LHFPL6: variants seen among roughly 807,000 people sequenced by gnomAD.
The protein encoded by LHFPL6 is LHFPL tetraspan subfamily member 6.
Under a neutral mutation model 20.6 loss-of-function variants are expected in LHFPL6, and 9 were observed. The observed-to-expected ratio is 0.44, with a 90% confidence interval of 0.26 to 0.76. The LOEUF (loss-of-function observed/expected upper bound fraction) is 0.76. Among genes scored for constraint, LHFPL6 ranks in the 30% least tolerant of loss-of-function variants. The probability of loss-of-function intolerance (pLI) is 0.20; values close to 1 mark genes in which losing one functional copy is unlikely to be tolerated. For missense variants in LHFPL6, 218 were observed against 253.5 expected (o/e 0.86, Z 0.95); for synonymous variants, 105 against 98.7 (o/e 1.06, Z -0.38).
chr13:39,382,063 T>G (rs1361719002), intron 2 of LHFPL6, among the ~76,000 whole-genome samples: 1 of 152,178 alleles, frequency 6.6e-6, no homozygotes, highest in East Asian at 1.9e-4. Flanking sequence ...CCTACTAAGT[T>G]AGGTTATGGT....
At chr13:39,387,564 A>G (rs1320763509) in intron 2 of LHFPL6, among the ~76,000 whole-genome samples, 1 of 151,734 alleles carries the variant, frequency 6.6e-6, no homozygotes, top group Non-Finnish European at 1.5e-5. Flanking sequence ...AAAAAAAAAA[A>G]AAAAAAAGAA....
At chr13:39,563,777 A>AT (rs1871622191) in intron 2 of LHFPL6, among the ~76,000 whole-genome samples, 1 of 152,094 alleles carries the variant, frequency 6.6e-6, no homozygotes, top group African/African-American at 2.4e-5. Flanking sequence ...AGGGTAACAG[A>AT]TTCTATTCAT....
intron 2 of LHFPL6, among the ~76,000 whole-genome samples, chr13:39,542,933 G>A (rs755004323): frequency 4.6e-5 from 7 of 152,156 alleles, no homozygotes; most frequent in Non-Finnish European, 7.3e-5. Flanking sequence ...CCACGATGGT[G>A]TACAACCATC....
chr13:39,459,133 T>C (rs942854005), intron 2 of LHFPL6, among the ~76,000 whole-genome samples: 1 of 151,592 alleles, frequency 6.6e-6, no homozygotes, highest in Non-Finnish European at 1.5e-5. Context: ...GGAGATAGAT[T>C]ATAAAGACCT....
intron 2 of LHFPL6, among the ~76,000 whole-genome samples, chr13:39,530,733 G>A (rs1457510981): frequency 6.6e-6 from 1 of 151,700 alleles, no homozygotes; most frequent in Admixed American, 6.6e-5. Flanking sequence ...GCATTGTGCT[G>A]TGGTTGCTTA....
At chr13:39,386,976 G>A (rs1870581250) in intron 2 of LHFPL6, among the ~76,000 whole-genome samples, 4 of 152,100 alleles carry the variant, frequency 2.6e-5, no homozygotes, top group Admixed American at 2.6e-4. Flanking sequence ...TGCCTTTCCT[G>A]GTCATCCCAG....
At chr13:39,353,348 G>A (rs943521837) in intron 3 of LHFPL6, among the ~76,000 whole-genome samples, 1 of 152,056 alleles carries the variant, frequency 6.6e-6, no homozygotes, top group Non-Finnish European at 1.5e-5. Flanking sequence ...ATAAAGAGAA[G>A]ACCACCCAAA....
At chr13:39,555,889 G>T (rs1400214944) in intron 2 of LHFPL6, among the ~76,000 whole-genome samples, 4 of 152,114 alleles carry the variant, frequency 2.6e-5, no homozygotes, top group Non-Finnish European at 5.9e-5. Context: ...TGGATCATGG[G>T]GGCAGGTCTC....
At chr13:39,391,530 T>C (rs1206467164) in intron 2 of LHFPL6, among the ~76,000 whole-genome samples, 1 of 152,194 alleles carries the variant, frequency 6.6e-6, no homozygotes, top group Admixed American at 6.6e-5. Flanking sequence ...TACATACATA[T>C]GTGTGTATCA....
intron 1 of LHFPL6, among the ~76,000 whole-genome samples, chr13:39,601,611 ACT>A (rs1287932869): frequency 6.6e-6 from 1 of 152,292 alleles, no homozygotes; most frequent in African/African-American, 2.4e-5. Context: ...TTCCAAATTA[ACT>A]CTGACAGCTA....
At chr13:39,469,981 G>A (rs749876995) in intron 2 of LHFPL6, among the ~76,000 whole-genome samples, 2 of 152,070 alleles carry the variant, frequency 1.3e-5, no homozygotes, top group Admixed American at 6.5e-5. Context: ...CTTACATCTC[G>A]GAAAAGACGA....
chr13:39,579,115 G>A lies in LHFPL6; in HGVS notation c.385+21717C>T, dbSNP rs572277599. 3.9e-5 allele frequency among the ~76,000 whole-genome samples: 6 copies of A among 152,256 alleles called. No individual in the cohort carries two copies. In the East Asian group the frequency reaches 9.7e-4, roughly 25 times the overall value. ...TAGTGCCTGGGGTAACACTGTAGGAGGTCTTTATCTTACAGGGAGCAGCCA... is the reference window on the plus strand; with the variant it reads ...TAGTGCCTGGGGTAACACTGTAGGAAGTCTTTATCTTACAGGGAGCAGCCA... On this transcript the variant is annotated intron_variant, in intron 2 of 3. Transcript: ENST00000379589.
At chr13:39,401,867 G>T (rs746305294) in intron 2 of LHFPL6, among the ~76,000 whole-genome samples, 2 of 152,150 alleles carry the variant, frequency 1.3e-5, no homozygotes, top group African/African-American at 4.8e-5. Flanking sequence ...CCTTGGTCAC[G>T]ACAACCACTA....
At chr13:39,347,474 A>C (rs1225071074) in intron 3 of LHFPL6, among the ~76,000 whole-genome samples, 5 of 152,186 alleles carry the variant, frequency 3.3e-5, no homozygotes, top group African/African-American at 1.2e-4. Flanking sequence ...TTGGCACTGA[A>C]ATTTTGGAGA....
intron 2 of LHFPL6, among the ~76,000 whole-genome samples, chr13:39,465,728 G>T (rs1872787728): frequency 6.6e-6 from 1 of 152,130 alleles, no homozygotes; most frequent in Non-Finnish European, 1.5e-5. Context: ...GTTTACAGGG[G>T]TAGAATTTCA....
intron 3 of LHFPL6, among the ~76,000 whole-genome samples, chr13:39,375,451 G>A (rs534952611): frequency 2.1e-4 from 32 of 152,276 alleles, no homozygotes; most frequent in Admixed American, 1.4e-3. Context: ...AGCACTTTGG[G>A]AGGCTGAGGT....
intron 2 of LHFPL6, among the ~76,000 whole-genome samples, chr13:39,440,382 C>T (rs1445238375): frequency 1.3e-5 from 2 of 152,026 alleles, no homozygotes; most frequent in African/African-American, 4.8e-5. Flanking sequence ...TAATTTAAGC[C>T]CTCTGGGAGG....
At chr13:39,473,550 T>C (rs1003853360) in intron 2 of LHFPL6, among the ~76,000 whole-genome samples, 4 of 152,006 alleles carry the variant, frequency 2.6e-5, no homozygotes, top group East Asian at 1.9e-4. Context: ...TTTCTTCCAA[T>C]ATAAATGTGT....
chr13:39,407,087 T>G (rs1871128319), intron 2 of LHFPL6, among the ~76,000 whole-genome samples: 1 of 152,220 alleles, frequency 6.6e-6, no homozygotes, highest in Admixed American at 6.5e-5. Flanking sequence ...ATTGGCAGAA[T>G]TTTGCAACCC....
Sources: allele counts gnomAD v4.1 joint callset (sites outside exome capture counted in the v4.1 genomes callset), GRCh38; gene constraint gnomAD v4.1.1; transcripts MANE v1.5; gene names NCBI Gene and HGNC (gene_info 2026-07-23, HGNC 2026-07-21).